PTPRK: variants seen among roughly 807,000 people sequenced by gnomAD.
PTPRK encodes protein tyrosine phosphatase receptor type K.
Under a neutral mutation model 178.0 loss-of-function variants are expected in PTPRK, and 75 were observed. The ratio of observed to expected loss-of-function variants is 0.42; its 90% confidence interval spans 0.35 to 0.51. The LOEUF is 0.51. PTPRK is among the 20% of genes least tolerant of loss of function. The pLI, the probability that PTPRK is intolerant of heterozygous loss-of-function variation, is 0.02. For synonymous variants in PTPRK, 637 were observed against 620.6 expected, an observed-to-expected ratio of 1.03 and a Z score of -0.39; for missense variants, 1,441 against 1,797.8, an observed-to-expected ratio of 0.80 and a Z score of 3.59.
intron 1 of PTPRK, among the ~76,000 whole-genome samples, chr6:128,401,138 G>A (rs1047690204): frequency 6.6e-6 from 1 of 152,108 alleles, no homozygotes; most frequent in Non-Finnish European, 1.5e-5. Flanking sequence ...CTAAGGGACA[G>A]ATCTATCACC....
intron 3 of PTPRK, among the ~76,000 whole-genome samples, chr6:128,285,089 T>C (rs1467377848): frequency 6.6e-6 from 1 of 152,218 alleles, no homozygotes; most frequent in Non-Finnish European, 1.5e-5. Context: ...GGAATACTGT[T>C]GTCTTCTTAC....
chr6:128,148,047 C>A (rs909555185), intron 7 of PTPRK, among the ~76,000 whole-genome samples: 1 of 151,962 alleles, frequency 6.6e-6, no homozygotes, highest in Non-Finnish European at 1.5e-5. Flanking sequence ...ATAAGGCTGC[C>A]AAGAATATAA....
chr6:128,447,628 CTTTT>C (rs35289749), intron 1 of PTPRK, among the ~76,000 whole-genome samples: 1 of 138,566 alleles, frequency 7.2e-6, no homozygotes, highest in Non-Finnish European at 1.6e-5. Flanking sequence ...AAAACCGTGC[CTTTT>C]TTTTTTTTTT....
At chr6:128,488,825 T>G (rs1191392361) in intron 1 of PTPRK, among the ~76,000 whole-genome samples, 1 of 152,110 alleles carries the variant, frequency 6.6e-6, no homozygotes, top group African/African-American at 2.4e-5. Context: ...AGGGAATTCT[T>G]AAAAGTAAAT....
At chr6:128,280,169 C>T (rs1821444544) in intron 3 of PTPRK, among the ~76,000 whole-genome samples, 1 of 152,094 alleles carries the variant, frequency 6.6e-6, no homozygotes, top group Non-Finnish European at 1.5e-5. Context: ...ATATCTCCTC[C>T]TCCAGCTCTC....
chr6:128,053,606 C>G (rs1467503104), intron 13 of PTPRK, among the ~76,000 whole-genome samples: 5 of 152,146 alleles, frequency 3.3e-5, no homozygotes, highest in Non-Finnish European at 1.5e-5. Flanking sequence ...AAAACCCCAA[C>G]AGTTCACCTC....
intron 3 of PTPRK, among the ~76,000 whole-genome samples, chr6:128,294,907 C>A (rs1384948276): frequency 6.7e-6 from 1 of 149,630 alleles, no homozygotes; most frequent in Admixed American, 6.7e-5. Context: ...AGAGGGCTGA[C>A]CAACTCAAAA....
Position 128,304,367 on chromosome 6 carries a change from T to G in PTPRK, c.495+17672A>C, listed in dbSNP as rs1826069944. 2.6e-5 allele frequency among the ~76,000 whole-genome samples: 4 copies of G among 152,338 alleles called. No individual in the cohort carries two copies. In the South Asian group the frequency reaches 8.3e-4, roughly 32 times the overall value. On this transcript the variant is annotated intron_variant, in intron 3 of 29. Coordinates refer to ENST00000368226, the MANE Select transcript of PTPRK (RefSeq NM_002844.4). ...TTTAGCTTAAATAAGTACCCATGTT[T>G]CATTATATCATACAGAACAGGTAAT...
intron 20 of PTPRK, 93 bp downstream of exon 20, chr6:127,991,201 A>T: frequency 2.1e-6 from 2 of 972,034 alleles, no homozygotes; most frequent in Admixed American, 2.9e-5. Flanking sequence ...TTTTTTTTAA[A>T]CAATTGGATG....
At chr6:128,193,988 T>C (rs1804370413) in intron 6 of PTPRK, among the ~76,000 whole-genome samples, 1 of 151,206 alleles carries the variant, frequency 6.6e-6, no homozygotes, top group Non-Finnish European at 1.5e-5. Context: ...TCTCATTTTG[T>C]CCAAAACTAC....
At chr6:128,288,492 T>A (rs1045778976) in intron 3 of PTPRK, among the ~76,000 whole-genome samples, 2 of 152,158 alleles carry the variant, frequency 1.3e-5, no homozygotes, top group Non-Finnish European at 2.9e-5. Context: ...AGAATTTCCA[T>A]AGTGATGCTT....
At chr6:128,404,694 A>G (rs1203154419) in intron 1 of PTPRK, among the ~76,000 whole-genome samples, 1 of 152,224 alleles carries the variant, frequency 6.6e-6, no homozygotes. Flanking sequence ...TATTGGAGCT[A>G]ATGGGTAATT....
chr6:128,504,854 T>C (rs1188760098), intron 1 of PTPRK, among the ~76,000 whole-genome samples: 1 of 152,210 alleles, frequency 6.6e-6, no homozygotes, highest in East Asian at 1.9e-4. Flanking sequence ...CATTTTCAGT[T>C]ACTCATTTTC....
intron 1 of PTPRK, among the ~76,000 whole-genome samples, chr6:128,441,589 T>G (rs1403769456): frequency 1.3e-5 from 2 of 152,156 alleles, no homozygotes; most frequent in Non-Finnish European, 2.9e-5. Flanking sequence ...AGCTAGTCTC[T>G]CCTCTAGATA....
At chr6:128,496,686 A>G (rs997052447) in intron 1 of PTPRK, among the ~76,000 whole-genome samples, 1 of 152,208 alleles carries the variant, frequency 6.6e-6, no homozygotes, top group African/African-American at 2.4e-5. Context: ...TTAAATTATT[A>G]GCATCCTGTA....
rs534145288 is a variant in PTPRK at position 128,451,894 on chromosome 6, T to C, written c.101-54206A>G. Among the ~76,000 whole-genome samples, 48 of 152,326 alleles carry C rather than the reference T, an allele frequency of 3.2e-4. No individual in the cohort carries two copies. In the South Asian group the frequency reaches 6.4e-3, roughly 20 times the overall value. ...AGCTATCTACATTATAGCATGGTTT[T>C]CAATAGAATTTTTACCACAATCTTC... On this transcript the variant is annotated intron_variant, in intron 1 of 29. Coordinates refer to ENST00000368226, the MANE Select transcript of PTPRK (RefSeq NM_002844.4).
intron 1 of PTPRK, among the ~76,000 whole-genome samples, chr6:128,455,754 G>A (rs1848309075): frequency 1.3e-5 from 2 of 152,128 alleles, no homozygotes; most frequent in South Asian, 4.1e-4. Flanking sequence ...AGTCATTTTA[G>A]AGGAGAGAAG....
intron 21 of PTPRK, among the ~76,000 whole-genome samples, chr6:127,989,213 A>G (rs1206306922): frequency 6.6e-6 from 1 of 152,098 alleles, no homozygotes; most frequent in Non-Finnish European, 1.5e-5. Context: ...TGCATATTCC[A>G]CATTTCTTTT....
At chr6:128,470,697 G>T (rs939775752) in intron 1 of PTPRK, among the ~76,000 whole-genome samples, 1 of 145,424 alleles carries the variant, frequency 6.9e-6, no homozygotes, top group Non-Finnish European at 1.5e-5. Context: ...TTAACATACA[G>T]ATTTTACAGG....
Sources: allele counts gnomAD v4.1 joint callset (sites outside exome capture counted in the v4.1 genomes callset), GRCh38; gene constraint gnomAD v4.1.1; transcripts MANE v1.5; gene names NCBI Gene and HGNC (gene_info 2026-07-23, HGNC 2026-07-21).